COTL1: variants seen among roughly 807,000 people sequenced by gnomAD.
The protein encoded by COTL1 is coactosin like F-actin binding protein 1, also known as coactosin-like protein.
In COTL1, 15 loss-of-function variants were observed where a neutral mutation model predicts 16.5. The observed-to-expected ratio is 0.91, with a 90% CI of 0.61 to 1.40. The LOEUF is 1.40. Ranked by LOEUF, COTL1 falls within the 40% of genes most tolerant of loss-of-function variation. COTL1 has a pLI of 0.00. For missense variants in COTL1, 220 were observed against 201.5 expected, an observed-to-expected ratio of 1.09 and a Z score of -0.56; for synonymous variants, 112 against 85.3, an observed-to-expected ratio of 1.31 and a Z score of -1.73.
chr16:84,600,610 G>A (rs113663945), intron 2 of COTL1, among the ~76,000 whole-genome samples: 2,221 of 152,304 alleles, frequency 0.015, 58 homozygotes, highest in African/African-American at 0.05. Flanking sequence ...ACTGCGCCCG[G>A]CCAAGGCTCT....
intron 2 of COTL1, among the ~76,000 whole-genome samples, chr16:84,602,565 G>C (rs13336053): frequency 9.3e-4 from 142 of 151,904 alleles, no homozygotes; most frequent in African/African-American, 3.3e-3. Flanking sequence ...TTTAATAAAA[G>C]CACATGTGGC....
At chr16:84,581,999 T>G (rs1305881411) in intron 3 of COTL1, among the ~76,000 whole-genome samples, 20 of 126,110 alleles carry the variant, frequency 1.6e-4, no homozygotes, top group African/African-American at 8.2e-4. Context: ...TTTTTTTTTT[T>G]TTTTGAGATG....
At chr16:84,573,238 C>T (rs1179587412) in intron 3 of COTL1, among the ~76,000 whole-genome samples, 3 of 152,242 alleles carry the variant, frequency 2.0e-5, no homozygotes, top group Non-Finnish European at 2.9e-5. Context: ...GCCTTAGAAA[C>T]GCTGTGTGCC....
At chr16:84,612,744 G>GA (rs1166424019) in intron 2 of COTL1, among the ~76,000 whole-genome samples, 2 of 152,118 alleles carry the variant, frequency 1.3e-5, no homozygotes, top group Non-Finnish European at 2.9e-5. Context: ...GGGCGACAGA[G>GA]AAAAACTTTG....
At chr16:84,579,570 T>C (rs1369248574) in intron 3 of COTL1, among the ~76,000 whole-genome samples, 1 of 152,228 alleles carries the variant, frequency 6.6e-6, no homozygotes, top group Non-Finnish European at 1.5e-5. Flanking sequence ...TGCTAAAGGC[T>C]GTGGCAAGGG....
At position 84,606,311 on chromosome 16, in the gene COTL1, T is replaced by A. The variant is rs998921005; in HGVS notation, c.160+11190A>T. On this transcript the variant is annotated intron_variant, in intron 2 of 3. Coordinates refer to ENST00000262428, the MANE Select transcript of COTL1 (RefSeq NM_021149.5). ...GGGAGCCTTGTGGGCCACTGGGCTG[T>A]TACTTTGGAGGAGGGGACGGCGGGC... 1.6e-4 allele frequency among the ~76,000 whole-genome samples: 24 copies of A among 152,144 alleles called. 1 individual carries two copies. Among genetic ancestry groups the A allele is most frequent in the Admixed American group, 2.6e-4 (4 of 15,272 alleles).
At chr16:84,585,062 G>T (rs149765163) in intron 3 of COTL1, among the ~76,000 whole-genome samples, 1 of 152,142 alleles carries the variant, frequency 6.6e-6, no homozygotes. Context: ...AAAATTTCCA[G>T]AATACGCCAA....
At chr16:84,600,522 A>G (rs1200104791) in intron 2 of COTL1, among the ~76,000 whole-genome samples, 1 of 152,162 alleles carries the variant, frequency 6.6e-6, no homozygotes, top group African/African-American at 2.4e-5. Context: ...CGTGTTGGCC[A>G]GGCTGATCTC....
At chr16:84,573,422 T>C (rs1904377358) in intron 3 of COTL1, among the ~76,000 whole-genome samples, 1 of 152,212 alleles carries the variant, frequency 6.6e-6, no homozygotes, top group Non-Finnish European at 1.5e-5. Context: ...CCGACAGGGG[T>C]GGACATCTGC....
intron 3 of COTL1, among the ~76,000 whole-genome samples, chr16:84,585,822 G>GT (rs1288351342): frequency 6.6e-6 from 1 of 152,202 alleles, no homozygotes; most frequent in African/African-American, 2.4e-5. Flanking sequence ...ATTAACATTC[G>GT]TAAGTGGAGA....
At chr16:84,581,982 T>C (rs1281064651) in intron 3 of COTL1, among the ~76,000 whole-genome samples, 2 of 56,988 alleles carry the variant, frequency 3.5e-5, no homozygotes, top group Non-Finnish European at 3.5e-5. Context: ...TTTCTTCTTT[T>C]TTTTTTTTTT....
At position 84,617,899 on chromosome 16, in the gene COTL1, C is replaced by G. The variant is rs760807991; in HGVS notation, c.16G>C (p.Asp6His). The G allele has an allele frequency of 2.6e-6, 4 of 1,562,416 alleles. No homozygotes were observed. The highest frequency in any genetic ancestry group is 1.9e-5 in the Admixed American group (1 of 52,034). The change falls in exon 1 of 4, where the codon GAC (aspartate) becomes CAC (histidine). Residue 6 changes from aspartate to histidine, a missense_variant. Coordinates refer to ENST00000262428, the MANE Select transcript of COTL1 (RefSeq NM_021149.5). MATKI[D>H]KEACRAAYNL... ...TACGCCGCCCGGCAAGCCTCTTTGT[C>G]GATCTTGGTGGCCATCGCCGCGGAG...
At chr16:84,595,433 G>C (rs535690810) in intron 2 of COTL1, 3 of 152,254 alleles carry the variant, frequency 2.0e-5, no homozygotes, top group South Asian at 2.1e-4. Flanking sequence ...CGGCAGACTG[G>C]AGGCCTCTCC....
chr16:84,574,933 G>A (rs924016210), intron 3 of COTL1, among the ~76,000 whole-genome samples: 9 of 152,166 alleles, frequency 5.9e-5, no homozygotes, highest in South Asian at 2.1e-4. Context: ...CAGAGGGTAC[G>A]GGTTAGGTAC....
intron 2 of COTL1, among the ~76,000 whole-genome samples, chr16:84,592,401 C>T (rs982843308): frequency 2.6e-5 from 4 of 152,070 alleles, no homozygotes; most frequent in Non-Finnish European, 2.9e-5. Context: ...TCTCTCAGGG[C>T]GTTTAGTTGC....
rs925228683 is a variant in COTL1, at chr16:84,599,179, C to A, written c.161-8917G>T. 3.3e-5 allele frequency among the ~76,000 whole-genome samples: 5 copies of A among 149,784 alleles called. No individual in the cohort carries two copies. The East Asian group carries it at 8.1e-4, about 24-fold the overall frequency. ...GCACCCAGTGTTCTCACCAGGGCGG[C>A]CCCCACCCAGGATCCACATTGACTG... On this transcript the variant is annotated intron_variant, in intron 2 of 3. Transcript: ENST00000262428.
intron 2 of COTL1, chr16:84,596,085 C>G (rs1904999175): frequency 6.6e-6 from 1 of 151,866 alleles, no homozygotes; most frequent in Non-Finnish European, 1.5e-5. Flanking sequence ...AATGGTCCAT[C>G]TCTTCAAACT....
At chr16:84,613,699 G>C (rs948416852) in intron 2 of COTL1, among the ~76,000 whole-genome samples, 1 of 152,228 alleles carries the variant, frequency 6.6e-6, no homozygotes, top group African/African-American at 2.4e-5. Flanking sequence ...AGGGCAAATA[G>C]ACTGTTGCTA....
chr16:84,590,287 C>A lies in COTL1; in HGVS notation c.161-25G>T, dbSNP rs374874679. The A allele has an allele frequency of 2.5e-6, 4 of 1,610,324 alleles. No individual in the cohort carries two copies. The South Asian group carries it at 3.3e-5, about 13-fold the overall frequency. On this transcript the variant is annotated intron_variant, in intron 2 of 3. Transcript: ENST00000262428. This position sits in a 1 kb window ranked among gnomAD's most constrained non-coding sequence, Gnocchi z 5.5. ...TCTGTGGCCAAAAGCGAAAAGAGAACATGGTGCTGCGTTAAAACACCCCCA... is the reference window on the plus strand; with the variant it reads ...TCTGTGGCCAAAAGCGAAAAGAGAAAATGGTGCTGCGTTAAAACACCCCCA...
Sources: allele counts gnomAD v4.1 joint callset (sites outside exome capture counted in the v4.1 genomes callset), GRCh38; gene constraint gnomAD v4.1.1; non-coding constraint Gnocchi (gnomAD v3.1); transcripts MANE v1.5; gene names NCBI Gene and HGNC (gene_info 2026-07-23, HGNC 2026-07-21).